The following NRG1 variants were observed in gnomAD, a reference collection of about 807,000 sequenced individuals.
NRG1 encodes the protein neuregulin 1, also known as pro-neuregulin-1, membrane-bound isoform.
NRG1 carries 18 observed loss-of-function variants against 63.8 expected under a neutral mutation model. That is an observed-to-expected ratio of 0.28 (90% confidence interval 0.19 to 0.42). The LOEUF is 0.42. NRG1 is among the 10% of genes least tolerant of loss of function. NRG1 has a pLI of 1.00. For missense variants in NRG1, 762 were observed against 814.7 expected, an observed-to-expected ratio of 0.94 and a Z score of 0.79; for synonymous variants, 302 against 301.3, an observed-to-expected ratio of 1.00 and a Z score of -0.02.
intron 1 of NRG1, among the ~76,000 whole-genome samples, chr8:31,817,582 AT>A (rs1329650510): frequency 6.6e-6 from 1 of 152,194 alleles, no homozygotes; most frequent in Non-Finnish European, 1.5e-5. Context: ...ATTTTTCTTT[AT>A]TTAAAAAAAT....
intron 1 of NRG1, among the ~76,000 whole-genome samples, chr8:32,221,559 T>C (rs1308157312): frequency 6.6e-6 from 1 of 152,228 alleles, no homozygotes; most frequent in Non-Finnish European, 1.5e-5. Context: ...GGACTGTAGA[T>C]TATTACAGCT....
chr8:31,884,428 G>T (rs531603784), intron 1 of NRG1, among the ~76,000 whole-genome samples: 117 of 152,188 alleles, frequency 7.7e-4, no homozygotes, highest in Middle Eastern at 3.4e-3. Context: ...GGGGTCAACT[G>T]GCCATGCAGC....
chr8:31,864,516 A>G (rs931877893), intron 1 of NRG1, among the ~76,000 whole-genome samples: 4 of 152,180 alleles, frequency 2.6e-5, no homozygotes, highest in African/African-American at 9.6e-5. Flanking sequence ...TGCCAGGCCC[A>G]GGCCAGTGGG....
chr8:31,700,524 C>G (rs1810526526), intron 1 of NRG1, among the ~76,000 whole-genome samples: 1 of 152,044 alleles, frequency 6.6e-6, no homozygotes, highest in Non-Finnish European at 1.5e-5. Context: ...CATGAATATG[C>G]CCACATAATC....
chr8:31,897,642 C>T (rs905828976), intron 1 of NRG1, among the ~76,000 whole-genome samples: 8 of 152,106 alleles, frequency 5.3e-5, no homozygotes, highest in Admixed American at 5.2e-4. Context: ...TTCCACAACC[C>T]CTTATCTTGA....
intron 1 of NRG1, among the ~76,000 whole-genome samples, chr8:31,674,218 T>C (rs1314510887): frequency 2.0e-5 from 3 of 152,202 alleles, no homozygotes; most frequent in Non-Finnish European, 2.9e-5. Flanking sequence ...TTGACTATTA[T>C]GGCTAGTGTG....
intron 7 of NRG1, among the ~76,000 whole-genome samples, chr8:32,751,723 C>T (rs940635296): frequency 3.9e-5 from 6 of 152,078 alleles, no homozygotes; most frequent in Admixed American, 2.6e-4. Context: ...GTTACATTAC[C>T]CTTTGGCCTT....
At chr8:32,045,059 G>A (rs368715017) in intron 1 of NRG1, among the ~76,000 whole-genome samples, 30 of 151,640 alleles carry the variant, frequency 2.0e-4, no homozygotes, top group African/African-American at 7.3e-4. Context: ...TAATCAAATT[G>A]ATGAACCTCT....
intron 1 of NRG1, among the ~76,000 whole-genome samples, chr8:32,385,042 C>A (rs1490460115): frequency 6.6e-6 from 1 of 152,136 alleles, no homozygotes; most frequent in Non-Finnish European, 1.5e-5. Flanking sequence ...TTTTTTGAGA[C>A]GGAGTCTCGC....
chr8:32,233,536 AATATATAT>A (rs71541806), intron 1 of NRG1, among the ~76,000 whole-genome samples: 9 of 88,124 alleles, frequency 1.0e-4, no homozygotes, highest in East Asian at 3.4e-4. Flanking sequence ...AACTCGAAAG[AATATATAT>A]ATATATATAT....
intron 1 of NRG1, among the ~76,000 whole-genome samples, chr8:32,026,608 T>C (rs1817418366): frequency 6.6e-6 from 1 of 152,200 alleles, no homozygotes; most frequent in African/African-American, 2.4e-5. Flanking sequence ...TTCTACCGTA[T>C]AGGCGATTGG....
At chr8:31,830,888 GCCCCT>G (rs891029415) in intron 1 of NRG1, among the ~76,000 whole-genome samples, 1 of 152,014 alleles carries the variant, frequency 6.6e-6, no homozygotes, top group Non-Finnish European at 1.5e-5. Context: ...CTCAGTCTCA[GCCCCT>G]CCCCCAATAC....
In NRG1 at chr8:31,640,692, CAAG is replaced by C. The variant is rs1344632485; in HGVS notation, c.37+1265_37+1267del. On this transcript the variant is annotated intron_variant, in intron 1 of 10. Coordinates refer to the NRG1 transcript ENST00000519301. This position sits in a 1 kb window ranked among gnomAD's most constrained non-coding sequence, Gnocchi z 6.3. ...CCCCTCTGGAGACGGGCCGGAACCTCAAGAAGGAGGTCAGCCGGGTGCTGTGCA... is the reference window on the plus strand; with the variant it reads ...CCCCTCTGGAGACGGGCCGGAACCTCAAGGAGGTCAGCCGGGTGCTGTGCA... 1 of 1,605,630 alleles carries C rather than the reference CAAG, an allele frequency of 6.2e-7. No individual in the cohort carries two copies. Among genetic ancestry groups the C allele is most frequent in the Non-Finnish European group, 8.5e-7 (1 of 1,176,936 alleles).
At chr8:32,339,012 A>T (rs1803697998) in intron 1 of NRG1, among the ~76,000 whole-genome samples, 2 of 152,160 alleles carry the variant, frequency 1.3e-5, no homozygotes. Flanking sequence ...GATAAAGCAC[A>T]TGAACAAATT....
At chr8:32,370,793 T>C (rs896086933) in intron 1 of NRG1, among the ~76,000 whole-genome samples, 11 of 127,000 alleles carry the variant, frequency 8.7e-5, no homozygotes, top group Non-Finnish European at 1.6e-4. Flanking sequence ...GGGAAGTGGA[T>C]GTTGCAGTGA....
chr8:31,647,355 T>C (rs959575604), intron 1 of NRG1, among the ~76,000 whole-genome samples: 1 of 152,368 alleles, frequency 6.6e-6, no homozygotes, highest in African/African-American at 2.4e-5. Flanking sequence ...TGGGGTGGCA[T>C]GTGCCCATTT....
chr8:32,295,874 T>G (rs1586676076), intron 1 of NRG1, among the ~76,000 whole-genome samples: 1 of 149,266 alleles, frequency 6.7e-6, no homozygotes, highest in East Asian at 2.0e-4. Context: ...GAGGCGGAGG[T>G]TGCAGTGAGC....
At chr8:32,287,919 G>A (rs1455053859) in intron 1 of NRG1, among the ~76,000 whole-genome samples, 1 of 152,118 alleles carries the variant, frequency 6.6e-6, no homozygotes, top group African/African-American at 2.4e-5. Flanking sequence ...ATTTCTGAAG[G>A]AAATAAACTG....
chr8:32,744,549 C>A (rs1452199397), intron 7 of NRG1, among the ~76,000 whole-genome samples: 1 of 152,040 alleles, frequency 6.6e-6, no homozygotes, highest in Non-Finnish European at 1.5e-5. Context: ...TAAAGCATTT[C>A]TCTTAGAAAT....
Sources: allele counts gnomAD v4.1 joint callset (sites outside exome capture counted in the v4.1 genomes callset), GRCh38; gene constraint gnomAD v4.1.1; non-coding constraint Gnocchi (gnomAD v3.1); transcripts MANE v1.5; gene names NCBI Gene and HGNC (gene_info 2026-07-23, HGNC 2026-07-21).